Variants in DLGAP1 observed in about 807,000 individuals in gnomAD.
The protein encoded by DLGAP1 is disks large-associated protein 1.
Under a neutral mutation model 90.8 loss-of-function variants are expected in DLGAP1, and 11 were observed. The ratio of observed to expected loss-of-function variants is 0.12; its 90% CI spans 0.08 to 0.20. The LOEUF is 0.20. Among genes scored for constraint, DLGAP1 ranks in the 10% least tolerant of loss-of-function variants. DLGAP1 has a pLI of 1.00. For synonymous variants in DLGAP1, 558 were observed against 540.7 expected (o/e 1.03, Z -0.44); for missense variants, 1,050 against 1,333.8 (o/e 0.79, Z 3.31).
intron 1 of DLGAP1, among the ~76,000 whole-genome samples, chr18:4,165,758 C>G (rs950211673): frequency 6.6e-6 from 1 of 152,188 alleles, no homozygotes; most frequent in South Asian, 2.1e-4. Context: ...ATTGAAATAT[C>G]CAGAGCAACC....
intron 9 of DLGAP1, among the ~76,000 whole-genome samples, chr18:3,556,823 A>G (rs1180845417): frequency 1.3e-5 from 2 of 152,314 alleles, no homozygotes; most frequent in Middle Eastern, 3.4e-3. Context: ...TTAGTTTTGT[A>G]AGAAACTGTT....
At chr18:3,591,594 T>C (rs2056249978) in intron 7 of DLGAP1, among the ~76,000 whole-genome samples, 2 of 151,602 alleles carry the variant, frequency 1.3e-5, no homozygotes, top group South Asian at 4.2e-4. Context: ...TCCCAGCTAC[T>C]TGGAAGGCTG....
Position 3,893,359 on chromosome 18 carries a change from C to T in DLGAP1, c.-72-13219G>A, listed in dbSNP as rs528237375. Among the ~76,000 whole-genome samples, 21 of 151,894 alleles carry T rather than the reference C, an allele frequency of 1.4e-4. No homozygotes were observed. The East Asian group carries it at 4.1e-3, about 29-fold the overall frequency. ...TGGGAGGCTGAGGCGGGTGGATCAC[C>T]TGAGGTCAGGAGTTCGAGACCAGCC... On this transcript the variant is annotated intron_variant, in intron 3 of 12. Coordinates refer to ENST00000315677, the MANE Select transcript of DLGAP1 (RefSeq NM_004746.4).
chr18:4,122,797 T>C (rs1355765982), intron 2 of DLGAP1, among the ~76,000 whole-genome samples: 1 of 152,126 alleles, frequency 6.6e-6, no homozygotes, highest in Non-Finnish European at 1.5e-5. Context: ...CTTGGAGAGA[T>C]TTATTTGCAT....
intron 3 of DLGAP1, chr18:3,895,963 A>G (rs2071611956): frequency 6.6e-6 from 1 of 152,222 alleles, no homozygotes. Context: ...GCCAGGAGGG[A>G]AGATTTTTTC....
At chr18:3,728,814 G>C (rs2062294598) in intron 7 of DLGAP1, among the ~76,000 whole-genome samples, 1 of 152,190 alleles carries the variant, frequency 6.6e-6, no homozygotes, top group African/African-American at 2.4e-5. Flanking sequence ...ATTGGGAGTA[G>C]GAGCTGGCGG....
At chr18:4,428,229 C>A (rs972022425) in intron 1 of DLGAP1, among the ~76,000 whole-genome samples, 5 of 152,110 alleles carry the variant, frequency 3.3e-5, no homozygotes, top group African/African-American at 7.2e-5. Context: ...TGGTTTACCA[C>A]CACGCGCCTT....
chr18:4,363,672 T>C (rs541177008), intron 1 of DLGAP1, among the ~76,000 whole-genome samples: 12 of 152,296 alleles, frequency 7.9e-5, no homozygotes, highest in African/African-American at 1.7e-4. Context: ...CCATCACTGG[T>C]CATCAGAGAA....
intron 5 of DLGAP1, among the ~76,000 whole-genome samples, chr18:3,766,945 A>G (rs1004280277): frequency 3.3e-5 from 5 of 152,102 alleles, no homozygotes; most frequent in Non-Finnish European, 5.9e-5. Context: ...AAGCAGAAAA[A>G]CAATATAAAA....
intron 1 of DLGAP1, among the ~76,000 whole-genome samples, chr18:4,182,583 A>G (rs1433242230): frequency 6.6e-6 from 1 of 152,174 alleles, no homozygotes; most frequent in Non-Finnish European, 1.5e-5. Context: ...ACCTCTTTGA[A>G]AATTACTCAT....
intron 7 of DLGAP1, among the ~76,000 whole-genome samples, chr18:3,708,710 T>C (rs1452811959): frequency 6.6e-6 from 1 of 152,186 alleles, no homozygotes; most frequent in Non-Finnish European, 1.5e-5. Flanking sequence ...TTGGAAATGG[T>C]AATGAAGGAA....
chr18:3,587,991 T>C (rs187812650), intron 7 of DLGAP1, among the ~76,000 whole-genome samples: 7 of 152,258 alleles, frequency 4.6e-5, no homozygotes, highest in African/African-American at 1.7e-4. Context: ...TTTGCCCTGA[T>C]AAGTTTTTTG....
At chr18:4,224,568 A>C (rs1202478783) in intron 1 of DLGAP1, among the ~76,000 whole-genome samples, 1 of 152,074 alleles carries the variant, frequency 6.6e-6, no homozygotes, top group Non-Finnish European at 1.5e-5. Context: ...TGGCAATACA[A>C]CCTGCAGGCC....
At chr18:3,647,756 C>T (rs996546560) in intron 7 of DLGAP1, among the ~76,000 whole-genome samples, 8 of 152,130 alleles carry the variant, frequency 5.3e-5, no homozygotes, top group African/African-American at 1.2e-4. Context: ...TGAGCCACCA[C>T]GCCCGGTCTA....
At chr18:3,655,274 C>T (rs532312682) in intron 7 of DLGAP1, among the ~76,000 whole-genome samples, 78 of 152,260 alleles carry the variant, frequency 5.1e-4, no homozygotes, top group South Asian at 1.0e-3. Context: ...CACACCCCCC[C>T]AAAACAAACA....
chr18:3,500,219 G>A (rs559827067), intron 12 of DLGAP1, among the ~76,000 whole-genome samples: 1 of 151,996 alleles, frequency 6.6e-6, no homozygotes, highest in Non-Finnish European at 1.5e-5. Flanking sequence ...TGAAATGGGC[G>A]GATATTTTCA....
At chr18:3,553,690 T>C (rs546832452) in intron 9 of DLGAP1, among the ~76,000 whole-genome samples, 6 of 151,946 alleles carry the variant, frequency 3.9e-5, no homozygotes, top group Admixed American at 6.6e-5. Context: ...TGCGCCATCA[T>C]GCCTGGCTAA....
intron 1 of DLGAP1, among the ~76,000 whole-genome samples, chr18:4,213,189 G>A (rs763983125): frequency 6.6e-6 from 1 of 152,172 alleles, no homozygotes; most frequent in Non-Finnish European, 1.5e-5. Flanking sequence ...GCAAAAACAT[G>A]AGAGTTGGTA....
intron 2 of DLGAP1, among the ~76,000 whole-genome samples, chr18:4,148,631 C>T (rs977833092): frequency 6.6e-6 from 1 of 152,162 alleles, no homozygotes; most frequent in South Asian, 2.1e-4. Flanking sequence ...ATTCTGTCTG[C>T]TCTTTTTGGT....
Sources: gnomAD v4.1 joint callset for allele counts (sites outside exome capture counted in the v4.1 genomes callset) on GRCh38, gnomAD v4.1.1 for gene constraint, MANE v1.5 for transcripts, NCBI Gene and HGNC (gene_info 2026-07-23, HGNC 2026-07-21) for gene names.